GALNT13: variants seen among roughly 807,000 people sequenced by gnomAD.
GALNT13 encodes polypeptide N-acetylgalactosaminyltransferase 13, also known as UDP-GalNAc:polypeptide N-acetylgalactosaminyltransferase 13.
Under a neutral mutation model 64.2 loss-of-function variants are expected in GALNT13, and 28 were observed. The ratio of observed to expected loss-of-function variants is 0.44; its 90% CI spans 0.32 to 0.60. The LOEUF (loss-of-function observed/expected upper bound fraction) is 0.60, where lower values mean the gene tolerates loss of function less well. Ranked by LOEUF, GALNT13 falls within the 20% of genes least tolerant of loss-of-function variation. GALNT13 has a pLI of 0.05. For missense variants in GALNT13, 577 were observed against 669.8 expected (o/e 0.86, Z 1.53); for synonymous variants, 214 against 224.6 (o/e 0.95, Z 0.42).
the GALNT13 span, among the ~76,000 whole-genome samples, chr2:153,792,977 T>C: frequency 6.8e-6 from 1 of 147,494 alleles, no homozygotes; most frequent in South Asian, 2.2e-4. Flanking sequence ...TTTCTTTTTT[T>C]TTTTTTTTTT....
rs1458739776 is a variant in GALNT13 at position 153,900,954 on chromosome 2, A to G, written c.-158A>G. 1 of 152,106 alleles carries G rather than the reference A, an allele frequency of 6.6e-6. No homozygotes were observed. Among genetic ancestry groups the G allele is most frequent in the African/African-American group, 2.4e-5 (1 of 41,422 alleles). The allele number at this position is 152,106 out of a possible 1,614,324, so 9.4% of individuals were successfully genotyped here. A position where few individuals can be genotyped will look rare whatever the true frequency, so the allele number is the denominator to read the frequency against. On this transcript the variant is annotated 5_prime_UTR_variant, in exon 2 of 13. Coordinates refer to ENST00000392825, the MANE Select transcript of GALNT13 (RefSeq NM_052917.4). ...TCCACAGATGCATTTTTGTAGAAGC[A>G]TTTTGAGGATGAATGTTTGCAAATC...
At chr2:153,416,073 T>C in the GALNT13 span, among the ~76,000 whole-genome samples, 1 of 152,196 alleles carries the variant, frequency 6.6e-6, no homozygotes, top group Non-Finnish European at 1.5e-5. Context: ...CATATGAATG[T>C]TGTTGGTAAT....
chr2:154,445,232 C>A (rs1574324690), intron 12 of GALNT13, among the ~76,000 whole-genome samples: 1 of 151,612 alleles, frequency 6.6e-6, no homozygotes, highest in East Asian at 1.9e-4. Flanking sequence ...TGATAAACAC[C>A]TTTGGGACAT....
the GALNT13 span, among the ~76,000 whole-genome samples, chr2:153,779,915 G>C: frequency 5.9e-5 from 9 of 151,892 alleles, no homozygotes; most frequent in African/African-American, 1.9e-4. Flanking sequence ...TTTCTTCACT[G>C]TTCAGCTTCG....
At chr2:153,190,408 T>C in the GALNT13 span, among the ~76,000 whole-genome samples, 2 of 152,098 alleles carry the variant, frequency 1.3e-5, no homozygotes, top group East Asian at 3.9e-4. Flanking sequence ...AGGAGTTTAT[T>C]TCTGTGTTCT....
At chr2:153,586,406 A>T in the GALNT13 span, among the ~76,000 whole-genome samples, 1 of 152,332 alleles carries the variant, frequency 6.6e-6, no homozygotes, top group African/African-American at 2.4e-5. Flanking sequence ...TACTTATATC[A>T]GATAAAATCG....
chr2:153,097,524 T>G, the GALNT13 span, among the ~76,000 whole-genome samples: 5 of 152,292 alleles, frequency 3.3e-5, no homozygotes, highest in South Asian at 6.2e-4. Context: ...TACCAGTAAT[T>G]TTATAATAAC....
At chr2:153,725,928 T>A in the GALNT13 span, among the ~76,000 whole-genome samples, 21,487 of 152,122 alleles carry the variant, frequency 0.14, 2,495 homozygotes, top group African/African-American at 0.31. Flanking sequence ...AATTTTTAAA[T>A]TATGCTTTTA....
intron 4 of GALNT13, among the ~76,000 whole-genome samples, chr2:154,193,077 A>G (rs1686686058): frequency 6.6e-6 from 1 of 152,232 alleles, no homozygotes; most frequent in African/African-American, 2.4e-5. Flanking sequence ...GTGTCAGATC[A>G]ACATAGTCAT....
chr2:153,979,789 G>C (rs1334004920), intron 3 of GALNT13, among the ~76,000 whole-genome samples: 1 of 152,086 alleles, frequency 6.6e-6, no homozygotes, highest in Non-Finnish European at 1.5e-5. Flanking sequence ...TCTACGTGAG[G>C]CTGATATGTA....
chr2:153,671,960 A>G, the GALNT13 span, among the ~76,000 whole-genome samples: 1 of 152,240 alleles, frequency 6.6e-6, no homozygotes, highest in African/African-American at 2.4e-5. Context: ...AAAGAAGGCC[A>G]TTACATAATG....
At chr2:154,038,791 C>T (rs1274046723) in intron 3 of GALNT13, among the ~76,000 whole-genome samples, 1 of 151,870 alleles carries the variant, frequency 6.6e-6, no homozygotes, top group Non-Finnish European at 1.5e-5. Context: ...ACCTTCTGTA[C>T]AGCAAAGGAA....
chr2:154,370,261 G>T (rs183810988), intron 9 of GALNT13, among the ~76,000 whole-genome samples: 1 of 152,152 alleles, frequency 6.6e-6, no homozygotes, highest in African/African-American at 2.4e-5. Context: ...CTAGTCTAAG[G>T]GGTTTGATTT....
the GALNT13 span, among the ~76,000 whole-genome samples, chr2:153,558,943 C>T: frequency 6.6e-6 from 1 of 152,196 alleles, no homozygotes; most frequent in Admixed American, 6.5e-5. Flanking sequence ...TAAGATATGG[C>T]AGTTCTTCTG....
the GALNT13 span, among the ~76,000 whole-genome samples, chr2:153,443,816 A>T: frequency 6.6e-6 from 1 of 152,068 alleles, no homozygotes; most frequent in South Asian, 2.1e-4. Flanking sequence ...CCAGCTACTC[A>T]GGAGGCTGAG....
chr2:153,911,764 T>G (rs1353648879), intron 2 of GALNT13, among the ~76,000 whole-genome samples: 2 of 152,178 alleles, frequency 1.3e-5, no homozygotes, highest in Non-Finnish European at 2.9e-5. Flanking sequence ...GTAGTGCTGT[T>G]TCTGAGAAGT....
chr2:153,649,560 G>T, the GALNT13 span, among the ~76,000 whole-genome samples: 2 of 148,266 alleles, frequency 1.3e-5, no homozygotes, highest in East Asian at 2.0e-4. Context: ...TGATGTTAGG[G>T]TGTCAATTTT....
chr2:153,719,805 G>T, the GALNT13 span, among the ~76,000 whole-genome samples: 3 of 151,670 alleles, frequency 2.0e-5, no homozygotes, highest in Non-Finnish European at 4.4e-5. Context: ...GGCTCGGAGG[G>T]TCCTACGCCC....
chr2:154,378,807 T>C (rs1270214897), intron 9 of GALNT13, among the ~76,000 whole-genome samples: 1 of 152,132 alleles, frequency 6.6e-6, no homozygotes, highest in African/African-American at 2.4e-5. Flanking sequence ...CATAAGTATT[T>C]ACAATTACAA....
Sources: gnomAD v4.1 joint callset for allele counts (sites outside exome capture counted in the v4.1 genomes callset) on GRCh38, gnomAD v4.1.1 for gene constraint, MANE v1.5 for transcripts, NCBI Gene and HGNC (gene_info 2026-07-23, HGNC 2026-07-21) for gene names.